Variants in CCDC169 observed in about 807,000 individuals in gnomAD.
CCDC169 encodes the protein coiled-coil domain containing 169, also known as coiled-coil domain-containing protein 169.
In CCDC169, 30 loss-of-function variants were observed where a neutral mutation model predicts 36.0. The observed-to-expected ratio is 0.83, with a 90% confidence interval of 0.62 to 1.13. The LOEUF is 1.13. CCDC169 is among the 50% of genes most tolerant of loss of function. CCDC169 has a pLI of 0.00. For missense variants in CCDC169, 245 were observed against 245.9 expected, an observed-to-expected ratio of 1.00 and a Z score of 0.03; for synonymous variants, 85 against 81.5, an observed-to-expected ratio of 1.04 and a Z score of -0.23.
chr13:36,227,039 G>A (rs113666985), downstream of CCDC169: 6,352 of 433,166 alleles, frequency 0.015, 62 homozygotes, highest in Non-Finnish European at 0.02. Flanking sequence ...AAGTCAGCTC[G>A]AGGAGAGTTG....
chr13:36,285,385 C>T lies in CCDC169; in HGVS notation c.164-1683G>A, dbSNP rs1487569652. Among the ~76,000 whole-genome samples the T allele has an allele frequency of 2.0e-5, 3 of 151,974 alleles. No homozygotes were observed. The East Asian group carries it at 5.8e-4, about 30-fold the overall frequency. On this transcript the variant is annotated intron_variant, in intron 2 of 7. Coordinates refer to ENST00000239859, the MANE Select transcript of CCDC169 (RefSeq NM_001144981.3). ...CCAATGTGGTGAAACCCCGTCTCTA[C>T]TAAAGAATACAAAAATTAGCCAGGC...
chr13:36,231,776 A>C (rs893581745), intron 7 of CCDC169, among the ~76,000 whole-genome samples: 1 of 152,176 alleles, frequency 6.6e-6, no homozygotes, highest in Non-Finnish European at 1.5e-5. Context: ...TTCTCTATTA[A>C]GTCTAACATC....
chr13:36,276,915 A>C (rs963598910), intron 4 of CCDC169, among the ~76,000 whole-genome samples: 2 of 152,122 alleles, frequency 1.3e-5, no homozygotes, highest in African/African-American at 2.4e-5. Context: ...AAAAAATACA[A>C]ATGTCCAGGC....
At chr13:36,254,892 T>C (rs1873656028) in intron 4 of CCDC169, among the ~76,000 whole-genome samples, 1 of 152,198 alleles carries the variant, frequency 6.6e-6, no homozygotes, top group Non-Finnish European at 1.5e-5. Flanking sequence ...GCTGGTGCTT[T>C]GGACCCAAGC....
chr13:36,270,673 T>C (rs1014535051), intron 4 of CCDC169, among the ~76,000 whole-genome samples: 6 of 152,148 alleles, frequency 3.9e-5, no homozygotes, highest in African/African-American at 1.2e-4. Context: ...ACTTAGGGAA[T>C]GGACCCTCTT....
intron 4 of CCDC169, among the ~76,000 whole-genome samples, chr13:36,272,335 T>G (rs7329670): frequency 0.25 from 38,605 of 151,752 alleles, 5,188 homozygotes; most frequent in East Asian, 0.49. Flanking sequence ...TGTTTCGCAG[T>G]AATGGGTCTG....
chr13:36,233,058 C>T (rs1870627609), intron 7 of CCDC169, among the ~76,000 whole-genome samples: 1 of 152,140 alleles, frequency 6.6e-6, no homozygotes, highest in Admixed American at 6.5e-5. Context: ...TCTGCACAAG[C>T]AGGAAGTAAA....
chr13:36,227,515 TAA>T (rs66470163), downstream of CCDC169: 453,255 of 1,035,592 alleles, frequency 0.44, 104,423 homozygotes, highest in Non-Finnish European at 0.46. Flanking sequence ...AATAAATAAA[TAA>T]AAGCTCTATA....
downstream of CCDC169, chr13:36,222,830 G>GCAAA (rs59359982): frequency 0.4 from 61,396 of 151,718 alleles, 13,159 homozygotes; most frequent in Non-Finnish European, 0.48. Context: ...AAGATACTGT[G>GCAAA]TAAGTATGCT....
intron 7 of CCDC169, among the ~76,000 whole-genome samples, chr13:36,237,929 G>A (rs181498845): frequency 3.7e-4 from 56 of 152,292 alleles, no homozygotes; most frequent in African/African-American, 1.3e-3. Flanking sequence ...CATATAGCTA[G>A]GTGTGAAGTA....
chr13:36,285,496 G>A (rs1399300227), intron 2 of CCDC169, among the ~76,000 whole-genome samples: 1 of 152,118 alleles, frequency 6.6e-6, no homozygotes, highest in Non-Finnish European at 1.5e-5. Flanking sequence ...GTTGCAGTGA[G>A]CTGAGATTGT....
chr13:36,281,203 ATTC>A (rs1877486659), intron 4 of CCDC169: 1 of 419,414 alleles, frequency 2.4e-6, no homozygotes, highest in East Asian at 8.0e-5. Context: ...GGAAGCCTGG[ATTC>A]CTGAAGGCAT....
chr13:36,275,029 C>T (rs1413146462), intron 4 of CCDC169, among the ~76,000 whole-genome samples: 1 of 151,976 alleles, frequency 6.6e-6, no homozygotes, highest in Non-Finnish European at 1.5e-5. Flanking sequence ...CCATCACGCC[C>T]GGCTAATTTT....
rs376807360 is a variant in CCDC169, at chr13:36,288,236, G to A, written c.164-4534C>T. Among the ~76,000 whole-genome samples, 1,005 of 151,986 alleles carry A rather than the reference G, an allele frequency of 6.6e-3. 6 individuals carry two copies. Among genetic ancestry groups the A allele is most frequent in the Non-Finnish European group, 8.4e-3 (569 of 67,922 alleles). Reference sequence around the variant, plus strand: ...CCATGTTAGCCACCAGGATGGTCTCGATCTTCTGACCTCATTATCCGCCCG... The same window carrying A: ...CCATGTTAGCCACCAGGATGGTCTCAATCTTCTGACCTCATTATCCGCCCG... On this transcript the variant is annotated intron_variant, in intron 2 of 7. Transcript: ENST00000239859.
At chr13:36,269,218 T>G (rs887930729) in intron 4 of CCDC169, among the ~76,000 whole-genome samples, 2 of 152,018 alleles carry the variant, frequency 1.3e-5, no homozygotes, top group Non-Finnish European at 2.9e-5. Context: ...CTAGGTTAAA[T>G]CAGGAAGAAA....
In CCDC169 at chr13:36,231,056, GA is replaced by G; in HGVS notation, c.*136del. ...ATGCAGACAAAGGAACACACGTCTG[GA>G]AAAGGAACTAAAGAAAAATGTGGCA... On this transcript the variant is annotated 3_prime_UTR_variant, in exon 8 of 8. Transcript: ENST00000239859. 1 of 1,424,114 alleles carries G rather than the reference GA, an allele frequency of 7.0e-7. No individual in the cohort carries two copies. The highest frequency in any genetic ancestry group is 9.1e-7 in the Non-Finnish European group (1 of 1,094,274). The allele number at this position is 1,424,114 out of a possible 1,614,324, so 88.2% of individuals were successfully genotyped here. A position where few individuals can be genotyped will look rare whatever the true frequency, so the allele number is the denominator to read the frequency against.
chr13:36,258,844 C>A (rs574197013), intron 4 of CCDC169, among the ~76,000 whole-genome samples: 3 of 152,248 alleles, frequency 2.0e-5, no homozygotes, highest in Admixed American at 2.0e-4. Flanking sequence ...GCCTCTAATT[C>A]TTTTTTGTGC....
chr13:36,272,765 C>T (rs1484230506), intron 4 of CCDC169, among the ~76,000 whole-genome samples: 1 of 152,154 alleles, frequency 6.6e-6, no homozygotes, highest in Non-Finnish European at 1.5e-5. Flanking sequence ...CTATCTCACT[C>T]ACATGTCTCT....
intron 4 of CCDC169, among the ~76,000 whole-genome samples, chr13:36,276,061 T>G (rs929486692): frequency 2.0e-5 from 3 of 152,200 alleles, no homozygotes; most frequent in Admixed American, 2.0e-4. Context: ...TATGTTCTTC[T>G]CCTGTTTGTC....
Sources: allele counts gnomAD v4.1 joint callset (sites outside exome capture counted in the v4.1 genomes callset), GRCh38; gene constraint gnomAD v4.1.1; transcripts MANE v1.5; gene names NCBI Gene and HGNC (gene_info 2026-07-23, HGNC 2026-07-21).